The following BRD3OS variants were observed in gnomAD, a reference collection of about 807,000 sequenced individuals.
BRD3OS encodes BRD3 opposite strand.
rs1369685116 is a variant in BRD3OS at position 134,027,737 on chromosome 9, G to C, written c.*735G>C. The C allele has an allele frequency of 6.6e-6, 1 of 152,238 alleles. No homozygotes were observed. The highest frequency in any genetic ancestry group is 2.4e-5 in the African/African-American group (1 of 41,446). The allele number at this position is 152,238 out of a possible 1,614,324, so 9.4% of individuals were successfully genotyped here. ...CATTTATATTTTGAGTTACCAAAAT[G>C]ATCATCATCTGTGAAGCATCATGGT... is the stretch of plus-strand genomic sequence containing the variant. On this transcript the variant is annotated 3_prime_UTR_variant, in exon 3 of 3. Transcript: ENST00000603928.
Position 134,027,321 on chromosome 9 carries a change from A to G in BRD3OS, c.*319A>G, listed in dbSNP as rs1843442355. 8.7e-6 allele frequency: 2 copies of G among 231,174 alleles called. No individual in the cohort carries two copies. The highest frequency in any genetic ancestry group is 2.2e-5 in the African/African-American group (1 of 44,594). 14.3% of individuals were successfully genotyped at this position (231,174 alleles called of 1,614,324 possible). ...CTAGATGCTTGGTTTAAACCAGGCCAAGAGTAACCCTCCCATCCCCATTAC... is the reference window on the plus strand; with the variant it reads ...CTAGATGCTTGGTTTAAACCAGGCCGAGAGTAACCCTCCCATCCCCATTAC... On this transcript the variant is annotated 3_prime_UTR_variant, in exon 3 of 3. Transcript: ENST00000603928.
chr9:134,026,298 C>G lies in BRD3OS; in HGVS notation c.-450C>G, dbSNP rs190723999. The G allele has an allele frequency of 0.013, 1,923 of 153,474 alleles. 11 individuals are homozygous for G. Among genetic ancestry groups the G allele is most frequent in the Middle Eastern group, 0.027 (8 of 298 alleles). 9.5% of individuals were successfully genotyped at this position (153,474 alleles called of 1,614,324 possible). On this transcript the variant is annotated 5_prime_UTR_variant, in exon 3 of 3. Transcript: ENST00000603928. This position sits in a 1 kb window ranked among gnomAD's most constrained non-coding sequence, Gnocchi z 4.4. ...ACAGCCGTTGCCCTGAAAGCTGGCCCGGACAGATGCGTGCGGGGCGTGCCA... is the reference window on the plus strand; with the variant it reads ...ACAGCCGTTGCCCTGAAAGCTGGCCGGGACAGATGCGTGCGGGGCGTGCCA...
chr9:134,026,975 G>A lies in BRD3OS; in HGVS notation c.228G>A (p.Gly76=), dbSNP rs1309731467. Reference sequence around the variant, plus strand: ...AGCTCGAGGTCTCTAGGGACACAGGGCAGTCCAAGTTTTGCACAATTATGT... The same window carrying A: ...AGCTCGAGGTCTCTAGGGACACAGGACAGTCCAAGTTTTGCACAATTATGT... ...KNKLEVSRDT[G]QSKFCTIM The change falls in exon 3 of 3, where the codon GGG becomes GGA. Residue 76 remains glycine (G), a synonymous_variant. Coordinates refer to ENST00000603928, the MANE Select transcript of BRD3OS (RefSeq NM_001355256.2). The surrounding 1 kb of genome is among the most constrained non-coding windows in gnomAD (Gnocchi z 4.4). The A allele has an allele frequency of 2.5e-6, 1 of 398,902 alleles. No homozygotes were observed. The highest frequency in any genetic ancestry group is 4.4e-6 in the Non-Finnish European group (1 of 226,084). 24.7% of individuals were successfully genotyped at this position (398,902 alleles called of 1,614,324 possible).
Position 134,030,837 on chromosome 9 carries a change from G to C in BRD3OS, c.*3835G>C, listed in dbSNP as rs1271075136. The stretch of plus-strand genomic sequence containing the variant: ...GAAGCCTGCCCCCTCGGCCTCCAGG[G>C]GTCATTCAGAGTGTTCTCAAATCCA... On this transcript the variant is annotated 3_prime_UTR_variant, in exon 3 of 3. Transcript: ENST00000603928. 4.3e-6 allele frequency: 1 copy of C among 232,354 alleles called. No homozygotes were observed. Among genetic ancestry groups the C allele is most frequent in the Admixed American group, 5.6e-5 (1 of 17,738 alleles). 14.4% of individuals were successfully genotyped at this position (232,354 alleles called of 1,614,324 possible).
At position 134,031,265 on chromosome 9, in the gene BRD3OS, G is replaced by A. The variant is rs552124062; in HGVS notation, c.*4263G>A. On this transcript the variant is annotated 3_prime_UTR_variant, in exon 3 of 3. Coordinates refer to ENST00000603928, the MANE Select transcript of BRD3OS (RefSeq NM_001355256.2). ...TGCTGCGCTGCCCCCACAGCCGGCC[G>A]CTCCCCCGACGGCTCACACAGGCAG... The A allele has an allele frequency of 1.6e-4, 34 of 210,168 alleles. No homozygotes were observed. Among genetic ancestry groups the A allele is most frequent in the African/African-American group, 6.4e-4 (28 of 43,962 alleles). 13.0% of individuals were successfully genotyped at this position (210,168 alleles called of 1,614,324 possible).
rs931136552 is a variant in BRD3OS at position 134,029,900 on chromosome 9, C to T, written c.*2898C>T. The stretch of plus-strand genomic sequence containing the variant: ...TCCTAGTGAGGCAAGAAATGATGCT[C>T]CCTTCATCCTGCCAGGGCTCAGGAC... On this transcript the variant is annotated 3_prime_UTR_variant, in exon 3 of 3. Coordinates refer to ENST00000603928, the MANE Select transcript of BRD3OS (RefSeq NM_001355256.2). 1 of 152,136 alleles carries T rather than the reference C, an allele frequency of 6.6e-6. No homozygotes were observed. Among genetic ancestry groups the T allele is most frequent in the Non-Finnish European group, 1.5e-5 (1 of 68,038 alleles). 9.4% of individuals were successfully genotyped at this position (152,136 alleles called of 1,614,324 possible).
rs1843427000 is a variant in BRD3OS at position 134,026,182 on chromosome 9, C to CT, written c.-540-25dup. On this transcript the variant is annotated intron_variant, in intron 2 of 2. Transcript: ENST00000603928. The surrounding 1 kb of genome is among the most constrained non-coding windows in gnomAD (Gnocchi z 4.4). ...GCCGGGGCGCTTGACTTCCCCTCTC[C>CT]TGACAGCACGTTCGTTCCTTTGCAG... is the stretch of plus-strand genomic sequence containing the variant. 1 of 152,732 alleles carries CT rather than the reference C, an allele frequency of 6.5e-6. No homozygotes were observed. The highest frequency in any genetic ancestry group is 1.5e-5 in the Non-Finnish European group (1 of 68,464). 9.5% of individuals were successfully genotyped at this position (152,732 alleles called of 1,614,324 possible).
Position 134,031,130 on chromosome 9 carries a change from C to T in BRD3OS, c.*4128C>T, listed in dbSNP as rs867079886. The T allele has an allele frequency of 3.9e-5, 9 of 228,290 alleles. No individual in the cohort carries two copies. Among genetic ancestry groups the T allele is most frequent in the Middle Eastern group, 2.6e-3 (2 of 778 alleles). The allele number at this position is 228,290 out of a possible 1,614,324, so 14.1% of individuals were successfully genotyped here. A position where few individuals can be genotyped will look rare whatever the true frequency, so the allele number is the denominator to read the frequency against. On this transcript the variant is annotated 3_prime_UTR_variant, in exon 3 of 3. Transcript: ENST00000603928. ...CACCAATGCAGCTGCTCAGTGTACC[C>T]GCCGTGGGCTGTCAGGGTCAGTGGC...
rs960421792 is a variant in BRD3OS, at chr9:134,028,138, A to G, written c.*1136A>G. On this transcript the variant is annotated 3_prime_UTR_variant, in exon 3 of 3. Transcript: ENST00000603928. ...CACACTTATTTTTATCCTTGTTCGT[A>G]ATATCCTACTTGGCTTCCCATTTTT... 1 of 152,236 alleles carries G rather than the reference A, an allele frequency of 6.6e-6. No individual in the cohort carries two copies. Among genetic ancestry groups the G allele is most frequent in the African/African-American group, 2.4e-5 (1 of 41,456 alleles). The allele number at this position is 152,236 out of a possible 1,614,324, so 9.4% of individuals were successfully genotyped here. A position where few individuals can be genotyped will look rare whatever the true frequency, so the allele number is the denominator to read the frequency against.
rs1843463250 is a variant in BRD3OS at position 134,028,485 on chromosome 9, T to A, written c.*1483T>A. The stretch of plus-strand genomic sequence containing the variant: ...CTCACTGCAACCTCTGCCTCCTGGG[T>A]TCAGGCGATTCTCCTGCCTCAGCCT... On this transcript the variant is annotated 3_prime_UTR_variant, in exon 3 of 3. Transcript: ENST00000603928. The A allele has an allele frequency of 6.6e-6, 1 of 152,254 alleles. No individual in the cohort carries two copies. The highest frequency in any genetic ancestry group is 1.5e-5 in the Non-Finnish European group (1 of 68,080). 9.4% of individuals were successfully genotyped at this position (152,254 alleles called of 1,614,324 possible).
chr9:134,027,175 A>G lies in BRD3OS; in HGVS notation c.*173A>G. On this transcript the variant is annotated 3_prime_UTR_variant, in exon 3 of 3. Coordinates refer to ENST00000603928, the MANE Select transcript of BRD3OS (RefSeq NM_001355256.2). Reference sequence around the variant, plus strand: ...CGCAGAATTGGCCCCCGAACCCCTCAGCACAGCCGCGGTGTGACTGGTGCA... The same window carrying G: ...CGCAGAATTGGCCCCCGAACCCCTCGGCACAGCCGCGGTGTGACTGGTGCA... The G allele has an allele frequency of 2.6e-6, 1 of 381,788 alleles. No homozygotes were observed. Among genetic ancestry groups the G allele is most frequent in the African/African-American group, 2.1e-5 (1 of 48,418 alleles). 23.7% of individuals were successfully genotyped at this position (381,788 alleles called of 1,614,324 possible).
rs378740 is a variant in BRD3OS, at chr9:134,025,754, C to A, written c.-786-91C>A. On this transcript the variant is annotated intron_variant, in intron 1 of 2. Coordinates refer to ENST00000603928, the MANE Select transcript of BRD3OS (RefSeq NM_001355256.2). ...CGCAGGCATCCCAGGAGGGGAGGTC[C>A]CTGACGCTGCGCAGCTGGGAAGGCG... is the stretch of plus-strand genomic sequence containing the variant. 0.27 allele frequency: 40,747 copies of A among 152,168 alleles called. 6,601 individuals are homozygous for A. The highest frequency in any genetic ancestry group is 0.62 in the East Asian group (3,193 of 5,146). The allele number at this position is 152,168 out of a possible 1,614,324, so 9.4% of individuals were successfully genotyped here.
At position 134,026,577 on chromosome 9, in the gene BRD3OS, C is replaced by CA; in HGVS notation, c.-169dup. ...GAGGCCGCCTCATTTCCTCACCACACAACCCTCCTGAGGACGTTGCCTGCA... is the reference window on the plus strand; with the variant it reads ...GAGGCCGCCTCATTTCCTCACCACACAAACCCTCCTGAGGACGTTGCCTGCA... On this transcript the variant is annotated 5_prime_UTR_variant, in exon 3 of 3. An upstream open reading frame in the 5' UTR loses its in-frame stop. Coordinates refer to ENST00000603928, the MANE Select transcript of BRD3OS (RefSeq NM_001355256.2). The surrounding 1 kb of genome is among the most constrained non-coding windows in gnomAD (Gnocchi z 4.4). The CA allele has an allele frequency of 2.6e-6, 1 of 389,274 alleles. No individual in the cohort carries two copies. Among genetic ancestry groups the CA allele is most frequent in the Non-Finnish European group, 4.5e-6 (1 of 220,682 alleles). 24.1% of individuals were successfully genotyped at this position (389,274 alleles called of 1,614,324 possible).
At position 134,027,906 on chromosome 9, in the gene BRD3OS, A is replaced by G. The variant is rs941989973; in HGVS notation, c.*904A>G. 2.0e-5 allele frequency: 3 copies of G among 152,216 alleles called. No individual in the cohort carries two copies. The highest frequency in any genetic ancestry group is 7.2e-5 in the African/African-American group (3 of 41,426). The allele number at this position is 152,216 out of a possible 1,614,324, so 9.4% of individuals were successfully genotyped here. ...CAAGGCAGGCTCTCCACCAGACTTA[A>G]AGCATTCAACCACTCTGCCCCCAGG... On this transcript the variant is annotated 3_prime_UTR_variant, in exon 3 of 3. Coordinates refer to ENST00000603928, the MANE Select transcript of BRD3OS (RefSeq NM_001355256.2).
In BRD3OS at chr9:134,027,195, G is replaced by A; in HGVS notation, c.*193G>A. 2.7e-6 allele frequency: 1 copy of A among 371,276 alleles called. No individual in the cohort carries two copies. Among genetic ancestry groups the A allele is most frequent in the Non-Finnish European group, 4.8e-6 (1 of 209,412 alleles). The allele number at this position is 371,276 out of a possible 1,614,324, so 23.0% of individuals were successfully genotyped here. ...CCCTCAGCACAGCCGCGGTGTGACT[G>A]GTGCACAGGACACTTCCCCTCTAGA... On this transcript the variant is annotated 3_prime_UTR_variant, in exon 3 of 3. Coordinates refer to ENST00000603928, the MANE Select transcript of BRD3OS (RefSeq NM_001355256.2).
In BRD3OS at chr9:134,026,011, A is replaced by G. The variant is rs187183468; in HGVS notation, c.-620A>G. 284 of 152,438 alleles carry G rather than the reference A, an allele frequency of 1.9e-3. 2 individuals carry two copies. Among genetic ancestry groups the G allele is most frequent in the East Asian group, 5.8e-3 (30 of 5,184 alleles). The allele number at this position is 152,438 out of a possible 1,614,324, so 9.4% of individuals were successfully genotyped here. A position where few individuals can be genotyped will look rare whatever the true frequency, so the allele number is the denominator to read the frequency against. On this transcript the variant is annotated 5_prime_UTR_variant, in exon 2 of 3. Transcript: ENST00000603928. The surrounding 1 kb of genome is among the most constrained non-coding windows in gnomAD (Gnocchi z 4.4). ...TGAAGCCCCAACAAGCAGCCTCCCC[A>G]GCACCTCCCAGTGACTGAAAAAGCT...
chr9:134,027,262 G>A lies in BRD3OS; in HGVS notation c.*260G>A, dbSNP rs911429014. Reference sequence around the variant, plus strand: ...GCTGTTGTGACATTTGAATTCTCCAGGTGCTGCTAGGGACAGCATAGGCCC... The same window carrying A: ...GCTGTTGTGACATTTGAATTCTCCAAGTGCTGCTAGGGACAGCATAGGCCC... On this transcript the variant is annotated 3_prime_UTR_variant, in exon 3 of 3. Transcript: ENST00000603928. 1 of 300,546 alleles carries A rather than the reference G, an allele frequency of 3.3e-6. No homozygotes were observed. Among genetic ancestry groups the A allele is most frequent in the Non-Finnish European group, 6.1e-6 (1 of 164,758 alleles). 18.6% of individuals were successfully genotyped at this position (300,546 alleles called of 1,614,324 possible).
In BRD3OS at chr9:134,029,854, T is replaced by G. The variant is rs1843484318; in HGVS notation, c.*2852T>G. ...CTTGTTCCAGGGAACCAATGAACTG[T>G]CAGTAAAGGGGATTGTGGCTTCCTA... On this transcript the variant is annotated 3_prime_UTR_variant, in exon 3 of 3. Transcript: ENST00000603928. The G allele has an allele frequency of 6.6e-6, 1 of 152,210 alleles. No homozygotes were observed. Among genetic ancestry groups the G allele is most frequent in the Non-Finnish European group, 1.5e-5 (1 of 68,060 alleles). 9.4% of individuals were successfully genotyped at this position (152,210 alleles called of 1,614,324 possible).
Position 134,026,962 on chromosome 9 carries a change from C to A in BRD3OS, c.215C>A (p.Ser72Tyr), listed in dbSNP as rs766057201. Residue 72 changes from serine (S) to tyrosine (Y), a missense_variant, in exon 3 of 3, where the codon TCT (serine) becomes TAT (tyrosine). By Grantham distance (144) the Ser-to-Tyr change is moderately radical. Coordinates refer to ENST00000603928, the MANE Select transcript of BRD3OS (RefSeq NM_001355256.2). This position sits in a 1 kb window ranked among gnomAD's most constrained non-coding sequence, Gnocchi z 4.4. ...LVRDKNKLEV[S>Y]RDTGQSKFCT... ...CGAGACAAAAACAAGCTCGAGGTCT[C>A]TAGGGACACAGGGCAGTCCAAGTTT... The A allele has an allele frequency of 2.5e-6, 1 of 398,932 alleles. No individual in the cohort carries two copies. Among genetic ancestry groups the A allele is most frequent in the Non-Finnish European group, 4.4e-6 (1 of 226,090 alleles). 24.7% of individuals were successfully genotyped at this position (398,932 alleles called of 1,614,324 possible). A position where few individuals can be genotyped will look rare whatever the true frequency, so the allele number is the denominator to read the frequency against.
Sources: allele counts gnomAD v4.1 joint callset, GRCh38; gene constraint gnomAD v4.1.1; non-coding constraint Gnocchi (gnomAD v3.1); transcripts MANE v1.5; gene names NCBI Gene and HGNC (gene_info 2026-07-23, HGNC 2026-07-21).